PRH1: variants seen among roughly 807,000 people sequenced by gnomAD.
PRH1 encodes the protein proline rich protein HaeIII subfamily 1.
A neutral mutation model predicts 7.9 loss-of-function variants in PRH1; 7 were observed. The ratio of observed to expected loss-of-function variants is 0.89; its 90% CI spans 0.50 to 1.67. The LOEUF is 1.67. Among genes scored for constraint, PRH1 ranks in the 40% most tolerant of loss-of-function variants. The probability of loss-of-function intolerance (pLI) is 0.00; values close to 1 mark genes in which losing one functional copy is unlikely to be tolerated. For missense variants in PRH1, 109 were observed against 223.6 expected (o/e 0.49, Z 3.27); for synonymous variants, 45 against 80.8 (o/e 0.56, Z 2.38).
At chr12:11,128,927 T>C (rs992489111) in intron 1 of PRH1, among the ~76,000 whole-genome samples, 1 of 150,730 alleles carries the variant, frequency 6.6e-6, no homozygotes, top group Non-Finnish European at 1.5e-5. Context: ...AACTTCCACC[T>C]TTTTTTTTGT....
intron 1 of PRH1, among the ~76,000 whole-genome samples, chr12:11,103,098 G>A (rs36185691): frequency 0.46 from 69,160 of 151,954 alleles, 16,547 homozygotes; most frequent in Non-Finnish European, 0.53. Context: ...TGGTGAGACT[G>A]TAAACTAGTT....
At chr12:11,053,139 C>G (rs1274224795) in intron 1 of PRH1, among the ~76,000 whole-genome samples, 1 of 152,192 alleles carries the variant, frequency 6.6e-6, no homozygotes, top group Non-Finnish European at 1.5e-5. Context: ...AAAGGGAACT[C>G]AAAGAGCAGC....
intron 2 of PRH1, among the ~76,000 whole-genome samples, chr12:10,889,541 A>G (rs1949541190): frequency 6.6e-6 from 1 of 152,168 alleles, no homozygotes; most frequent in Non-Finnish European, 1.5e-5. Context: ...TTGAATCTGT[A>G]GGTTTATGCT....
At chr12:11,041,150 G>A (rs965454549) in intron 1 of PRH1, among the ~76,000 whole-genome samples, 1 of 133,074 alleles carries the variant, frequency 7.5e-6, no homozygotes, top group Non-Finnish European at 1.7e-5. Flanking sequence ...CCAATCAAAA[G>A]ACATAGTTTG....
At chr12:11,006,800 T>C (rs978536929) in intron 1 of PRH1, among the ~76,000 whole-genome samples, 1 of 152,124 alleles carries the variant, frequency 6.6e-6, no homozygotes, top group Non-Finnish European at 1.5e-5. Flanking sequence ...CACCAGCATA[T>C]GCTAATGGAT....
chr12:11,005,143 G>T (rs1940768622), intron 1 of PRH1, among the ~76,000 whole-genome samples: 1 of 152,128 alleles, frequency 6.6e-6, no homozygotes, highest in Non-Finnish European at 1.5e-5. Flanking sequence ...GCTAATGAAT[G>T]AATTCAATGC....
In PRH1 at chr12:10,935,135, T is replaced by C. The variant is rs148999996; in HGVS notation, c.-59+38520A>G. 4.6e-3 allele frequency among the ~76,000 whole-genome samples: 700 copies of C among 152,230 alleles called. 6 individuals are homozygous for C. Among genetic ancestry groups the C allele is most frequent in the African/African-American group, 0.016 (674 of 41,538 alleles). ...GAATGCTGAGTGCTGATAATTTACA[T>C]TTATTTATCAATTAATTGTTTGCAA... On this transcript the variant is annotated intron_variant, in intron 2 of 3. Coordinates refer to the PRH1 transcript ENST00000539853.
intron 1 of PRH1, among the ~76,000 whole-genome samples, chr12:11,142,643 C>T (rs1349812828): frequency 6.6e-6 from 1 of 152,094 alleles, no homozygotes; most frequent in African/African-American, 2.4e-5. Context: ...AAGAAGACTA[C>T]CTCAAGGAAT....
chr12:11,070,990 T>C (rs1182829069), intron 1 of PRH1, among the ~76,000 whole-genome samples: 3 of 95,000 alleles, frequency 3.2e-5, no homozygotes, highest in Non-Finnish European at 7.6e-5. Flanking sequence ...ATGATTTTTA[T>C]TATTATTTTC....
At chr12:10,961,936 A>G (rs1290243940) in intron 2 of PRH1, among the ~76,000 whole-genome samples, 2 of 152,176 alleles carry the variant, frequency 1.3e-5, no homozygotes, top group African/African-American at 2.4e-5. Flanking sequence ...AGTTGCCACA[A>G]CAGAGTCACA....
intron 2 of PRH1, among the ~76,000 whole-genome samples, chr12:10,944,648 G>A (rs1950457976): frequency 3.3e-5 from 5 of 152,150 alleles, no homozygotes. Context: ...GTTTTCAAGA[G>A]GAATGCTTCC....
intron 1 of PRH1, among the ~76,000 whole-genome samples, chr12:10,999,834 T>C (rs1393797844): frequency 6.6e-6 from 1 of 152,180 alleles, no homozygotes; most frequent in Admixed American, 6.6e-5. Flanking sequence ...GTTCTTCTTG[T>C]TCATGGCTTC....
At chr12:10,953,454 A>G (rs1043663836) in intron 2 of PRH1, among the ~76,000 whole-genome samples, 2 of 152,226 alleles carry the variant, frequency 1.3e-5, no homozygotes, top group African/African-American at 4.8e-5. Context: ...CACTTCACGA[A>G]TTTTGGAATA....
At chr12:10,943,982 A>G (rs969833762) in intron 2 of PRH1, among the ~76,000 whole-genome samples, 2 of 152,178 alleles carry the variant, frequency 1.3e-5, no homozygotes, top group African/African-American at 4.8e-5. Context: ...GCTCTGTAAC[A>G]TAGTTTGAAG....
intron 2 of PRH1, among the ~76,000 whole-genome samples, chr12:10,915,244 G>A (rs994919826): frequency 5.3e-5 from 8 of 152,194 alleles, no homozygotes; most frequent in Non-Finnish European, 1.0e-4. Context: ...ACAGAAAAAG[G>A]TTCAACTGAC....
intron 1 of PRH1, among the ~76,000 whole-genome samples, chr12:11,147,894 C>A (rs34861336): frequency 6.6e-6 from 1 of 150,816 alleles, no homozygotes; most frequent in Non-Finnish European, 1.5e-5. Flanking sequence ...GCCATTTTCA[C>A]GATATTGATT....
upstream of PRH1, among the ~76,000 whole-genome samples, chr12:11,052,073 A>G (rs960174638): frequency 2.0e-5 from 3 of 152,286 alleles, no homozygotes; most frequent in Non-Finnish European, 4.4e-5. Context: ...CAGTTTGACT[A>G]AATTTATTCC....
chr12:11,094,376 G>A (rs1479495499), intron 1 of PRH1, among the ~76,000 whole-genome samples: 1 of 111,618 alleles, frequency 9.0e-6, no homozygotes, highest in African/African-American at 3.0e-5. Flanking sequence ...AGGTTTGGAG[G>A]GTTTTCTCCT....
intron 1 of PRH1, among the ~76,000 whole-genome samples, chr12:11,084,635 A>G (rs1291642765): frequency 1.8e-5 from 2 of 113,712 alleles, no homozygotes; most frequent in Non-Finnish European, 4.2e-5. Context: ...TAATATTTAT[A>G]TGAAACATTA....
Sources: allele counts gnomAD v4.1 joint callset (sites outside exome capture counted in the v4.1 genomes callset), GRCh38; gene constraint gnomAD v4.1.1; transcripts MANE v1.5; gene names NCBI Gene and HGNC (gene_info 2026-07-23, HGNC 2026-07-21).